The following GRIP1 variants were observed in gnomAD, a reference collection of about 807,000 sequenced individuals.
The protein encoded by GRIP1 is glutamate receptor-interacting protein 1.
Under a neutral mutation model 129.9 loss-of-function variants are expected in GRIP1, and 45 were observed. The ratio of observed to expected loss-of-function variants is 0.35; its 90% CI spans 0.27 to 0.44. The LOEUF is 0.44. GRIP1 is among the 20% of genes least tolerant of loss of function. The pLI is 1.00. For synonymous variants in GRIP1, 530 were observed against 520.8 expected (o/e 1.02, Z -0.24); for missense variants, 1,196 against 1,396.8 (o/e 0.86, Z 2.29).
At position 66,719,034 on chromosome 12, in the gene GRIP1, A is replaced by C. The variant is rs183068647; in HGVS notation, c.-420+85019T>G. Among the ~76,000 whole-genome samples the C allele has an allele frequency of 1.3e-3, 191 of 152,264 alleles. 1 individual carries two copies. The highest frequency in any genetic ancestry group is 2.2e-3 in the Non-Finnish European group (148 of 68,010). ...TTGCCCAACTAAGAAATTTTTTAGA[A>C]TAAAAGGAAGTATCTTAATACTTAT... On this transcript the variant is annotated intron_variant, in intron 1 of 4. Transcript: ENST00000538373.
chr12:66,985,167 T>A (rs1430811592), intron 1 of GRIP1, among the ~76,000 whole-genome samples: 2 of 152,212 alleles, frequency 1.3e-5, no homozygotes, highest in Non-Finnish European at 2.9e-5. Flanking sequence ...GGCATTTTTA[T>A]GACTTAGCTT....
chr12:66,997,568 A>G (rs994503382), intron 1 of GRIP1, among the ~76,000 whole-genome samples: 4 of 152,170 alleles, frequency 2.6e-5, no homozygotes, highest in Non-Finnish European at 4.4e-5. Flanking sequence ...TTGAGAAAAC[A>G]CCCACAAGAA....
chr12:66,417,297 T>C (rs745400625), intron 15 of GRIP1, among the ~76,000 whole-genome samples: 1 of 152,048 alleles, frequency 6.6e-6, no homozygotes, highest in Non-Finnish European at 1.5e-5. Context: ...TACCTCAACA[T>C]AATAAAAGCC....
At chr12:66,966,280 C>T (rs1186308480) in intron 1 of GRIP1, among the ~76,000 whole-genome samples, 1 of 152,112 alleles carries the variant, frequency 6.6e-6, no homozygotes, top group East Asian at 1.9e-4. Flanking sequence ...GGTATACTTA[C>T]ATTGATTTTT....
intron 1 of GRIP1, among the ~76,000 whole-genome samples, chr12:66,719,064 G>A (rs767975452): frequency 6.6e-6 from 1 of 152,000 alleles, no homozygotes; most frequent in Non-Finnish European, 1.5e-5. Flanking sequence ...ACTTATTACT[G>A]GGAAACAGGC....
At chr12:66,498,762 C>T (rs17779025) in intron 7 of GRIP1, among the ~76,000 whole-genome samples, 14,408 of 152,126 alleles carry the variant, frequency 0.095, 832 homozygotes, top group Non-Finnish European at 0.13. Context: ...TCTTTTCCTA[C>T]GTCATGAAGA....
At chr12:66,967,587 G>A (rs945325708) in intron 1 of GRIP1, among the ~76,000 whole-genome samples, 2 of 151,924 alleles carry the variant, frequency 1.3e-5, no homozygotes, top group Non-Finnish European at 2.9e-5. Context: ...ATGTTGTTCA[G>A]GCTAGACTCA....
intron 1 of GRIP1, among the ~76,000 whole-genome samples, chr12:66,870,632 C>G (rs1183782482): frequency 6.6e-6 from 1 of 152,106 alleles, no homozygotes; most frequent in Non-Finnish European, 1.5e-5. Flanking sequence ...CTTGTGTGAA[C>G]TTCGCCAAAT....
rs146171351 is a variant in GRIP1, at chr12:66,753,777, C to T, written c.-420+50276G>A. Among the ~76,000 whole-genome samples the T allele has an allele frequency of 1.4e-3, 211 of 152,294 alleles. 1 individual carries two copies. Among genetic ancestry groups the T allele is most frequent in the African/African-American group, 4.5e-3 (186 of 41,568 alleles). ...ATTTTATTTAACTTTGAATTCTTAA[C>T]GCCTATCCCATAGCAGACACTCAAT... On this transcript the variant is annotated intron_variant, in intron 1 of 4. Coordinates refer to the GRIP1 transcript ENST00000538373.
intron 1 of GRIP1, among the ~76,000 whole-genome samples, chr12:67,010,701 C>T (rs1011051697): frequency 6.6e-6 from 1 of 152,096 alleles, no homozygotes; most frequent in Admixed American, 6.5e-5. Flanking sequence ...TGTAGCTAAC[C>T]CAAGAGCTGT....
At chr12:66,946,689 C>A (rs975589440) in intron 1 of GRIP1, among the ~76,000 whole-genome samples, 1 of 149,858 alleles carries the variant, frequency 6.7e-6, no homozygotes, top group South Asian at 2.1e-4. Flanking sequence ...GTCAATATGT[C>A]CCTTTAAAAA....
chr12:66,357,923 TCA>T (rs1421235537), intron 23 of GRIP1, among the ~76,000 whole-genome samples: 1 of 152,242 alleles, frequency 6.6e-6, no homozygotes, highest in Admixed American at 6.5e-5. Flanking sequence ...AGATTGAGTC[TCA>T]CTCTGTGGGC....
chr12:66,557,956 G>C (rs1294880823), intron 2 of GRIP1, among the ~76,000 whole-genome samples: 5 of 151,990 alleles, frequency 3.3e-5, no homozygotes, highest in African/African-American at 1.2e-4. Context: ...TAAAAGAAAA[G>C]AGCAGAAATA....
At chr12:66,477,789 T>C (rs2059666143) in intron 7 of GRIP1, among the ~76,000 whole-genome samples, 1 of 145,578 alleles carries the variant, frequency 6.9e-6, no homozygotes, top group South Asian at 2.2e-4. Context: ...AAGGATTCCC[T>C]ATTTAACAAA....
At chr12:66,540,740 G>A (rs1422518909) in intron 3 of GRIP1, among the ~76,000 whole-genome samples, 1 of 152,090 alleles carries the variant, frequency 6.6e-6, no homozygotes, top group Admixed American at 6.6e-5. Context: ...ATGAATATTG[G>A]TGGCCAGAAT....
At chr12:66,764,484 T>C (rs936155345) in intron 1 of GRIP1, among the ~76,000 whole-genome samples, 4 of 152,186 alleles carry the variant, frequency 2.6e-5, no homozygotes, top group African/African-American at 7.2e-5. Flanking sequence ...ACTAAGACCT[T>C]TGACCAAAAT....
rs891566579 is a variant in GRIP1, at chr12:66,971,852, G to A, written c.58+97198C>T. ...AAATGTCACTTTGATAAAGGGCAAA[G>A]CAATAGCAAAGACGCAGAGGCAGGA... is the stretch of plus-strand genomic sequence containing the variant. On this transcript the variant is annotated intron_variant, in intron 1 of 1. Transcript: ENST00000643019. 3.9e-5 allele frequency among the ~76,000 whole-genome samples: 6 copies of A among 152,184 alleles called. No homozygotes were observed. In the South Asian group the frequency reaches 1.2e-3, roughly 31 times the overall value.
At chr12:66,878,915 A>C (rs1281553428) in intron 1 of GRIP1, among the ~76,000 whole-genome samples, 1 of 152,060 alleles carries the variant, frequency 6.6e-6, no homozygotes, top group East Asian at 1.9e-4. Context: ...TCTATGTAAC[A>C]GGGATTCAGG....
chr12:66,869,345 T>C (rs1401955593), intron 1 of GRIP1, among the ~76,000 whole-genome samples: 2 of 152,078 alleles, frequency 1.3e-5, no homozygotes, highest in African/African-American at 4.8e-5. Context: ...AATCAGTTTA[T>C]GGCCAAGAGG....
Sources: allele counts gnomAD v4.1 joint callset (sites outside exome capture counted in the v4.1 genomes callset), GRCh38; gene constraint gnomAD v4.1.1; transcripts MANE v1.5; gene names NCBI Gene and HGNC (gene_info 2026-07-23, HGNC 2026-07-21).